Variants in AGBL4 observed in about 807,000 individuals in gnomAD.
AGBL4 encodes the protein AGBL carboxypeptidase 4, also known as cytosolic carboxypeptidase 6.
AGBL4 carries 58 observed loss-of-function variants against 66.4 expected under a neutral mutation model. That is an observed-to-expected ratio of 0.87 (90% CI 0.71 to 1.09). The LOEUF is 1.09. Among genes scored for constraint, AGBL4 ranks in the 50% least tolerant of loss-of-function variants. The probability of loss-of-function intolerance (pLI) is 0.00; values close to 1 mark genes in which losing one functional copy is unlikely to be tolerated. For missense variants in AGBL4, 579 were observed against 631.0 expected, an observed-to-expected ratio of 0.92 and a Z score of 0.88; for synonymous variants, 234 against 222.9, an observed-to-expected ratio of 1.05 and a Z score of -0.44.
intron 4 of AGBL4, among the ~76,000 whole-genome samples, chr1:49,144,189 GAA>G (rs1646171308): frequency 6.6e-6 from 1 of 152,056 alleles, no homozygotes; most frequent in South Asian, 2.1e-4. Context: ...AAGAATATCA[GAA>G]AAAAAGTTTG....
At chr1:49,503,349 GCC>G (rs1409122619) in intron 3 of AGBL4, among the ~76,000 whole-genome samples, 2 of 152,194 alleles carry the variant, frequency 1.3e-5, no homozygotes, top group Non-Finnish European at 2.9e-5. Context: ...CAGGGGCAGA[GCC>G]CTCATGAAGA....
At chr1:49,892,313 A>C (rs999359992) in intron 1 of AGBL4, among the ~76,000 whole-genome samples, 1 of 152,226 alleles carries the variant, frequency 6.6e-6, no homozygotes, top group African/African-American at 2.4e-5. Context: ...GCTAAGGGAA[A>C]AAAAGTATAT....
intron 2 of AGBL4, among the ~76,000 whole-genome samples, chr1:49,712,044 A>G (rs1647710282): frequency 6.6e-6 from 1 of 151,976 alleles, no homozygotes; most frequent in South Asian, 2.1e-4. Flanking sequence ...TAAGTGACTG[A>G]ATTTATATAA....
intron 3 of AGBL4, among the ~76,000 whole-genome samples, chr1:49,450,511 T>G (rs900503097): frequency 6.6e-6 from 1 of 152,112 alleles, no homozygotes; most frequent in Non-Finnish European, 1.5e-5. Context: ...CAAAATTCTC[T>G]TAGGTATTTC....
intron 2 of AGBL4, among the ~76,000 whole-genome samples, chr1:49,763,759 A>C (rs1571513730): frequency 6.6e-6 from 1 of 152,136 alleles, no homozygotes; most frequent in East Asian, 1.9e-4. Context: ...CTTTCTAGGG[A>C]CACCACTCAA....
At chr1:49,948,027 AATATATATACATATAAATATATAAAT>A (rs1655495709) in intron 1 of AGBL4, among the ~76,000 whole-genome samples, 1 of 75,876 alleles carries the variant, frequency 1.3e-5, no homozygotes, top group East Asian at 3.3e-4. Flanking sequence ...AATATATATA[AATATATATACATATAAATATATAAAT>A]ATATATATGT....
At chr1:48,956,233 C>A (rs565749925) in intron 5 of AGBL4, among the ~76,000 whole-genome samples, 2 of 152,280 alleles carry the variant, frequency 1.3e-5, no homozygotes, top group Admixed American at 1.3e-4. Flanking sequence ...AATTTCTTGG[C>A]CCTCAGTGGC....
intron 11 of AGBL4, among the ~76,000 whole-genome samples, chr1:48,544,553 G>A (rs1644128770): frequency 6.6e-6 from 1 of 152,136 alleles, no homozygotes; most frequent in African/African-American, 2.4e-5. Flanking sequence ...CCTTGAATTT[G>A]GTTGGGCCTG....
intron 11 of AGBL4, among the ~76,000 whole-genome samples, chr1:48,569,332 A>T (rs1644523868): frequency 6.6e-6 from 1 of 152,240 alleles, no homozygotes; most frequent in African/African-American, 2.4e-5. Context: ...AGCACAGGGC[A>T]TGTGACAGAG....
intron 3 of AGBL4, among the ~76,000 whole-genome samples, chr1:49,561,092 T>C (rs749292238): frequency 6.6e-6 from 1 of 151,988 alleles, no homozygotes; most frequent in Admixed American, 6.6e-5. Flanking sequence ...TGTAAACTAC[T>C]CTCACTCATA....
chr1:48,789,781 C>T (rs894002184), intron 6 of AGBL4, among the ~76,000 whole-genome samples: 2 of 152,120 alleles, frequency 1.3e-5, no homozygotes, highest in African/African-American at 4.8e-5. Flanking sequence ...CTAGACTCAC[C>T]AGCTCAGGAG....
chr1:48,549,862 G>GA (rs1022616242), intron 11 of AGBL4, among the ~76,000 whole-genome samples: 4 of 151,894 alleles, frequency 2.6e-5, no homozygotes, highest in Admixed American at 1.3e-4. Context: ...AGAGACAAAA[G>GA]AAAAAAATGC....
At chr1:49,248,444 G>T (rs1288087945) in intron 3 of AGBL4, among the ~76,000 whole-genome samples, 1 of 152,136 alleles carries the variant, frequency 6.6e-6, no homozygotes, top group Non-Finnish European at 1.5e-5. Context: ...GTCACCTCTT[G>T]TTTACAGATG....
intron 6 of AGBL4, among the ~76,000 whole-genome samples, chr1:48,696,714 C>T (rs1646718941): frequency 6.6e-6 from 1 of 152,154 alleles, no homozygotes; most frequent in Admixed American, 6.5e-5. Flanking sequence ...GTTGGGAGAT[C>T]AGGCATCACC....
At chr1:49,385,961 A>G (rs901631243) in intron 3 of AGBL4, among the ~76,000 whole-genome samples, 4 of 152,058 alleles carry the variant, frequency 2.6e-5, no homozygotes, top group Non-Finnish European at 5.9e-5. Context: ...CACTTAGTAC[A>G]TTAGTAAAAA....
At chr1:49,172,379 A>C (rs929241841) in intron 4 of AGBL4, among the ~76,000 whole-genome samples, 1 of 152,236 alleles carries the variant, frequency 6.6e-6, no homozygotes, top group Non-Finnish European at 1.5e-5. Flanking sequence ...GTGCCTCCAA[A>C]AAAATTGGAA....
At chr1:49,295,275 G>T (rs1357364626) in intron 3 of AGBL4, among the ~76,000 whole-genome samples, 1 of 152,142 alleles carries the variant, frequency 6.6e-6, no homozygotes, top group Non-Finnish European at 1.5e-5. Flanking sequence ...GGAAGAGGTA[G>T]ATGTAAATAG....
chr1:49,119,900 T>G (rs1645615804), intron 4 of AGBL4, among the ~76,000 whole-genome samples: 1 of 152,242 alleles, frequency 6.6e-6, no homozygotes. Context: ...TAGTTAGCTC[T>G]TCTTATTGAA....
intron 3 of AGBL4, among the ~76,000 whole-genome samples, chr1:49,255,397 C>T (rs1424937474): frequency 6.6e-6 from 1 of 151,946 alleles, no homozygotes; most frequent in Admixed American, 6.6e-5. Flanking sequence ...ATACATGTGG[C>T]CAAAAATCAT....
Sources: gnomAD v4.1 joint callset for allele counts (sites outside exome capture counted in the v4.1 genomes callset) on GRCh38, gnomAD v4.1.1 for gene constraint, MANE v1.5 for transcripts, NCBI Gene and HGNC (gene_info 2026-07-23, HGNC 2026-07-21) for gene names.